Variants in LDLRAD4 observed in about 807,000 individuals in gnomAD.
LDLRAD4 encodes low-density lipoprotein receptor class A domain-containing protein 4.
A neutral mutation model predicts 17.0 loss-of-function variants in LDLRAD4; 5 were observed. That is an observed-to-expected ratio of 0.29 (90% CI 0.15 to 0.62). The LOEUF (loss-of-function observed/expected upper bound fraction) is 0.62. Among genes scored for constraint, LDLRAD4 ranks in the 20% least tolerant of loss-of-function variants. LDLRAD4 has a pLI of 0.84. For synonymous variants in LDLRAD4, 168 were observed against 171.8 expected (o/e 0.98, Z 0.17); for missense variants, 340 against 424.7 (o/e 0.80, Z 1.75).
intron 1 of LDLRAD4, among the ~76,000 whole-genome samples, chr18:13,232,532 C>T (rs551981767): frequency 6.7e-6 from 1 of 150,252 alleles, no homozygotes; most frequent in South Asian, 2.1e-4. Context: ...GTGTAAATCG[C>T]CTTCCTTCCC....
At chr18:13,634,843 T>A (rs1035270435) in intron 4 of LDLRAD4, among the ~76,000 whole-genome samples, 4 of 150,960 alleles carry the variant, frequency 2.6e-5, no homozygotes, top group Non-Finnish European at 5.9e-5. Flanking sequence ...ACTACAAAGC[T>A]GTAGTAAGTT....
intron 3 of LDLRAD4, among the ~76,000 whole-genome samples, chr18:13,609,793 T>G (rs1008516727): frequency 6.6e-6 from 1 of 152,026 alleles, no homozygotes; most frequent in Non-Finnish European, 1.5e-5. Flanking sequence ...GCCAACATGG[T>G]GAAACCCCAT....
At chr18:13,231,512 AAAAC>A (rs2042075856) in intron 1 of LDLRAD4, among the ~76,000 whole-genome samples, 3 of 152,230 alleles carry the variant, frequency 2.0e-5, no homozygotes, top group African/African-American at 7.2e-5. Context: ...ATGGTAAAGA[AAAAC>A]AAGCCCATTA....
chr18:13,283,358 C>T (rs2045403744), intron 1 of LDLRAD4, among the ~76,000 whole-genome samples: 1 of 152,190 alleles, frequency 6.6e-6, no homozygotes, highest in Admixed American at 6.5e-5. Flanking sequence ...AACTGAATGC[C>T]TTTAACAGCA....
intron 2 of LDLRAD4, among the ~76,000 whole-genome samples, chr18:13,404,213 C>T (rs898881583): frequency 6.6e-6 from 1 of 152,226 alleles, no homozygotes; most frequent in African/African-American, 2.4e-5. Flanking sequence ...TGAGGTGTGT[C>T]GGGGGTGCCG....
chr18:13,222,580 G>C (rs938775947), intron 1 of LDLRAD4, among the ~76,000 whole-genome samples: 17 of 152,144 alleles, frequency 1.1e-4, no homozygotes, highest in Admixed American at 4.6e-4. Context: ...CGGCCGGCTG[G>C]GCGCCGCTCA....
intron 1 of LDLRAD4, among the ~76,000 whole-genome samples, chr18:13,314,349 T>C (rs553231060): frequency 3.3e-5 from 5 of 152,358 alleles, no homozygotes; most frequent in South Asian, 2.1e-4. Flanking sequence ...TTGTGACTTA[T>C]GTTTTTAGAT....
intron 3 of LDLRAD4, among the ~76,000 whole-genome samples, chr18:13,494,058 C>T (rs1055946636): frequency 4.6e-5 from 7 of 152,138 alleles, no homozygotes; most frequent in Admixed American, 4.6e-4. Flanking sequence ...TTCCTGGGCT[C>T]GGAGCACAGC....
At chr18:13,553,435 C>T (rs2094454054) in intron 3 of LDLRAD4, among the ~76,000 whole-genome samples, 1 of 152,148 alleles carries the variant, frequency 6.6e-6, no homozygotes, top group Non-Finnish European at 1.5e-5. Flanking sequence ...TAAAATATGT[C>T]TGTAAACCGC....
chr18:13,644,288 C>T (rs1402123359), intron 5 of LDLRAD4, among the ~76,000 whole-genome samples: 3 of 151,764 alleles, frequency 2.0e-5, no homozygotes, highest in Non-Finnish European at 4.4e-5. Flanking sequence ...AGAGTTCTGG[C>T]CGGCGCAGTA....
At chr18:13,431,184 A>G (rs1472727549) in intron 2 of LDLRAD4, among the ~76,000 whole-genome samples, 1 of 152,228 alleles carries the variant, frequency 6.6e-6, no homozygotes, top group East Asian at 1.9e-4. Context: ...AAGTGACCCC[A>G]GCATCCTCAG....
intron 3 of LDLRAD4, among the ~76,000 whole-genome samples, chr18:13,503,707 G>A (rs1330908985): frequency 2.6e-5 from 4 of 151,660 alleles, no homozygotes; most frequent in African/African-American, 9.7e-5. Flanking sequence ...AAGTGAGTTT[G>A]GTTTTATTTT....
intron 1 of LDLRAD4, among the ~76,000 whole-genome samples, chr18:13,363,260 A>T (rs2083807498): frequency 1.4e-5 from 2 of 146,916 alleles, no homozygotes; most frequent in Non-Finnish European, 3.0e-5. Context: ...TGAACCTGGG[A>T]AGTGGAGCTT....
chr18:13,503,161 A>T (rs1336436182), intron 3 of LDLRAD4, among the ~76,000 whole-genome samples: 2 of 152,228 alleles, frequency 1.3e-5, no homozygotes, highest in African/African-American at 4.8e-5. Flanking sequence ...GAAAGTGGAG[A>T]TGGATACTAG....
chr18:13,429,424 G>A (rs1440249194), intron 2 of LDLRAD4, among the ~76,000 whole-genome samples: 1 of 152,220 alleles, frequency 6.6e-6, no homozygotes, highest in Admixed American at 6.5e-5. Context: ...TGGCCTTCTC[G>A]TGGGAATGGC....
At chr18:13,569,682 G>A (rs111682686) in intron 3 of LDLRAD4, among the ~76,000 whole-genome samples, 4,247 of 152,204 alleles carry the variant, frequency 0.028, 96 homozygotes, top group Middle Eastern at 0.071. Context: ...TCAGGAGTTC[G>A]AGACCAGACT....
chr18:13,302,947 CTG>C (rs2046690261), intron 1 of LDLRAD4, among the ~76,000 whole-genome samples: 1 of 152,254 alleles, frequency 6.6e-6, no homozygotes, highest in South Asian at 2.1e-4. Flanking sequence ...CTGCTGCTGA[CTG>C]TAAAATGAGA....
chr18:13,536,507 C>T (rs9955709), intron 3 of LDLRAD4, among the ~76,000 whole-genome samples: 1,705 of 152,166 alleles, frequency 0.011, 43 homozygotes, highest in African/African-American at 0.039. Context: ...GTTCTAGTAG[C>T]TCGTTTGTGT....
chr18:13,261,632 C>T (rs867238210), intron 1 of LDLRAD4, among the ~76,000 whole-genome samples: 31 of 152,262 alleles, frequency 2.0e-4, no homozygotes, highest in East Asian at 5.8e-4. Flanking sequence ...TTCCATCAAC[C>T]GTGCGGTTAG....
Sources: gnomAD v4.1 joint callset for allele counts (sites outside exome capture counted in the v4.1 genomes callset) on GRCh38, gnomAD v4.1.1 for gene constraint, MANE v1.5 for transcripts, NCBI Gene and HGNC (gene_info 2026-07-23, HGNC 2026-07-21) for gene names.